The following ZNF385D variants were observed in gnomAD, a reference collection of about 807,000 sequenced individuals.
ZNF385D encodes zinc finger protein 385D, also known as zinc finger protein 659.
In ZNF385D, 15 loss-of-function variants were observed where a neutral mutation model predicts 35.8. The ratio of observed to expected loss-of-function variants is 0.42; its 90% confidence interval spans 0.28 to 0.64. The LOEUF (loss-of-function observed/expected upper bound fraction) is 0.64, where lower values mean the gene tolerates loss of function less well. Ranked by LOEUF, ZNF385D falls within the 30% of genes least tolerant of loss-of-function variation. The pLI, the probability that ZNF385D is intolerant of heterozygous loss-of-function variation, is 0.23. For synonymous variants in ZNF385D, 212 were observed against 186.8 expected (o/e 1.13, Z -1.10); for missense variants, 474 against 494.6 (o/e 0.96, Z 0.39).
chr3:21,577,834 G>C (rs2063539234), intron 2 of ZNF385D, among the ~76,000 whole-genome samples: 1 of 147,682 alleles, frequency 6.8e-6, no homozygotes, highest in African/African-American at 2.5e-5. Flanking sequence ...TTTCGAGACA[G>C]GGTCTCACTC....
chr3:21,600,219 T>A (rs1303449767), intron 2 of ZNF385D, among the ~76,000 whole-genome samples: 1 of 152,212 alleles, frequency 6.6e-6, no homozygotes, highest in East Asian at 1.9e-4. Context: ...CAGCTCTGTC[T>A]ATGGAGTAGC....
intron 3 of ZNF385D, among the ~76,000 whole-genome samples, chr3:21,943,072 C>G (rs1308296068): frequency 6.6e-6 from 1 of 151,614 alleles, no homozygotes; most frequent in African/African-American, 2.4e-5. Context: ...TCAGAAAAGC[C>G]AAAAAAGGTC....
At chr3:21,532,647 C>T (rs1029793959) in intron 3 of ZNF385D, among the ~76,000 whole-genome samples, 1 of 150,174 alleles carries the variant, frequency 6.7e-6, no homozygotes, top group South Asian at 2.1e-4. Flanking sequence ...ACATATTTCA[C>T]TTGTCCATAA....
intron 3 of ZNF385D, among the ~76,000 whole-genome samples, chr3:21,866,389 G>A (rs1575803962): frequency 6.6e-6 from 1 of 152,252 alleles, no homozygotes; most frequent in Middle Eastern, 3.4e-3. Context: ...AGGAGGTGGA[G>A]GTTGCAGTGA....
At chr3:21,866,807 A>G (rs553250109) in intron 3 of ZNF385D, among the ~76,000 whole-genome samples, 1 of 152,304 alleles carries the variant, frequency 6.6e-6, no homozygotes, top group South Asian at 2.1e-4. Flanking sequence ...CTTTAAATCA[A>G]TAATTAGAAT....
chr3:21,853,507 CTT>C (rs753500007), intron 3 of ZNF385D, among the ~76,000 whole-genome samples: 73 of 45,214 alleles, frequency 1.6e-3, no homozygotes, highest in Admixed American at 2.4e-3. Flanking sequence ...AATTGCAGTC[CTT>C]TTTTTTTTTT....
intron 2 of ZNF385D, among the ~76,000 whole-genome samples, chr3:21,661,088 A>T (rs2066225615): frequency 6.6e-6 from 1 of 152,170 alleles, no homozygotes; most frequent in African/African-American, 2.4e-5. Flanking sequence ...CTGCAACTCC[A>T]TGACTCCATG....
chr3:22,088,483 G>C (rs1403142210), intron 3 of ZNF385D, among the ~76,000 whole-genome samples: 2 of 152,118 alleles, frequency 1.3e-5, no homozygotes. Flanking sequence ...GATGTGTATG[G>C]ATGAATCTGA....
intron 3 of ZNF385D, among the ~76,000 whole-genome samples, chr3:22,021,591 G>C (rs1480302373): frequency 2.0e-5 from 3 of 152,084 alleles, no homozygotes; most frequent in Non-Finnish European, 4.4e-5. Flanking sequence ...GACTGAGTGA[G>C]ATAACACAGG....
At chr3:21,832,501 G>T (rs1044142071) in intron 3 of ZNF385D, among the ~76,000 whole-genome samples, 1 of 152,172 alleles carries the variant, frequency 6.6e-6, no homozygotes, top group Admixed American at 6.5e-5. Flanking sequence ...GCTTCCTCAT[G>T]ATTACAGAAA....
intron 2 of ZNF385D, among the ~76,000 whole-genome samples, chr3:21,590,574 T>C (rs1354031204): frequency 6.6e-6 from 1 of 152,166 alleles, no homozygotes; most frequent in Admixed American, 6.5e-5. Flanking sequence ...ACATTGTTTT[T>C]ATCTGTTGAA....
intron 2 of ZNF385D, among the ~76,000 whole-genome samples, chr3:22,202,496 T>C (rs989293862): frequency 6.6e-6 from 1 of 152,052 alleles, no homozygotes; most frequent in Non-Finnish European, 1.5e-5. Context: ...CAGAGCAAGA[T>C]GGCCAAATGG....
At chr3:22,342,668 T>G (rs1161340997) in intron 2 of ZNF385D, among the ~76,000 whole-genome samples, 2 of 152,194 alleles carry the variant, frequency 1.3e-5, no homozygotes, top group Non-Finnish European at 2.9e-5. Context: ...ACAGAAGCAG[T>G]GCTGAACTAC....
intron 2 of ZNF385D, among the ~76,000 whole-genome samples, chr3:21,630,269 C>T (rs1222345304): frequency 2.8e-5 from 4 of 143,750 alleles, no homozygotes; most frequent in African/African-American, 1.0e-4. Context: ...ATGTTGTATT[C>T]TTGGCAGCTC....
intron 4 of ZNF385D, among the ~76,000 whole-genome samples, chr3:21,482,290 CTG>C (rs1202748449): frequency 9.4e-6 from 1 of 106,174 alleles, no homozygotes. Flanking sequence ...ATCTAATACA[CTG>C]TCTGTTTTTC....
chr3:21,814,039 G>A (rs1417156268), intron 3 of ZNF385D, among the ~76,000 whole-genome samples: 3 of 152,154 alleles, frequency 2.0e-5, no homozygotes, highest in African/African-American at 7.2e-5. Flanking sequence ...GAGAGTGGGG[G>A]CCAATATTCA....
At chr3:21,651,628 T>C (rs1309340223) in intron 2 of ZNF385D, among the ~76,000 whole-genome samples, 1 of 151,976 alleles carries the variant, frequency 6.6e-6, no homozygotes, top group African/African-American at 2.4e-5. Flanking sequence ...GCAAGTTAAA[T>C]GTACAGACAA....
chr3:21,650,568 A>G (rs958304296), intron 2 of ZNF385D, among the ~76,000 whole-genome samples: 1 of 152,162 alleles, frequency 6.6e-6, no homozygotes, highest in Admixed American at 6.5e-5. Context: ...TTTAAAACAA[A>G]TTTTTAAAAA....
intron 1 of ZNF385D, among the ~76,000 whole-genome samples, chr3:21,703,153 AC>A (rs1450684444): frequency 6.6e-6 from 1 of 152,158 alleles, no homozygotes; most frequent in Non-Finnish European, 1.5e-5. Context: ...CTTTAATTGG[AC>A]TTATGGTTCC....
Sources: allele counts gnomAD v4.1 joint callset (sites outside exome capture counted in the v4.1 genomes callset), GRCh38; gene constraint gnomAD v4.1.1; transcripts MANE v1.5; gene names NCBI Gene and HGNC (gene_info 2026-07-23, HGNC 2026-07-21).